Variants in ARL13B observed in about 807,000 individuals in gnomAD.
ARL13B encodes ARF like GTPase 13B.
In ARL13B, 36 loss-of-function variants were observed where a neutral mutation model predicts 56.1. That is an observed-to-expected ratio of 0.64 (90% confidence interval 0.49 to 0.85). ARL13B has a LOEUF of 0.85. ARL13B is among the 40% of genes least tolerant of loss of function. ARL13B has a pLI of 0.00. For missense variants in ARL13B, 519 were observed against 507.1 expected, an observed-to-expected ratio of 1.02 and a Z score of -0.23; for synonymous variants, 178 against 171.1, an observed-to-expected ratio of 1.04 and a Z score of -0.32.
chr3:93,998,879 C>G (rs1422643520), intron 2 of ARL13B, among the ~76,000 whole-genome samples: 1 of 151,040 alleles, frequency 6.6e-6, no homozygotes, highest in East Asian at 1.9e-4. Context: ...TCTCATGGCT[C>G]CTACTTTTCT....
At chr3:93,991,836 A>G (rs1321336440) in intron 1 of ARL13B, among the ~76,000 whole-genome samples, 1 of 152,222 alleles carries the variant, frequency 6.6e-6, no homozygotes, top group Non-Finnish European at 1.5e-5. Context: ...CTTTGCAGTA[A>G]TCCATGCTGT....
At chr3:94,047,056 T>C (rs975586873) in intron 7 of ARL13B, among the ~76,000 whole-genome samples, 2 of 152,212 alleles carry the variant, frequency 1.3e-5, no homozygotes, top group African/African-American at 4.8e-5. Context: ...AAATATTGTC[T>C]TTATTCACAA....
chr3:94,037,541 A>G (rs1449962976), intron 5 of ARL13B, among the ~76,000 whole-genome samples: 2 of 152,170 alleles, frequency 1.3e-5, no homozygotes, highest in African/African-American at 4.8e-5. Flanking sequence ...CCTTTCATCT[A>G]GGGATCTCTT....
intron 1 of ARL13B, among the ~76,000 whole-genome samples, chr3:93,991,822 C>G (rs1235268556): frequency 1.3e-5 from 2 of 152,210 alleles, no homozygotes; most frequent in African/African-American, 4.8e-5. Flanking sequence ...GCTTTGTTAT[C>G]AGGCTTTGCA....
intron 1 of ARL13B, among the ~76,000 whole-genome samples, chr3:93,989,133 A>G (rs1575930115): frequency 6.6e-6 from 1 of 152,220 alleles, no homozygotes; most frequent in Non-Finnish European, 1.5e-5. Flanking sequence ...TTTTTCAGAA[A>G]ACTTCAGCCA....
In ARL13B at chr3:94,055,308, T is replaced by A. The variant is rs1296227811; in HGVS notation, c.*2045T>A. The A allele has an allele frequency of 2.4e-6, 1 of 421,924 alleles. No homozygotes were observed. The highest frequency in any genetic ancestry group is 2.8e-5 in the Admixed American group (1 of 35,836). 26.1% of individuals were successfully genotyped at this position (421,924 alleles called of 1,614,324 possible). On this transcript the variant is annotated 3_prime_UTR_variant, in exon 10 of 10. Transcript: ENST00000394222. The stretch of plus-strand genomic sequence containing the variant: ...TCTGTTTCTCTTTTCAATTGGTAGA[T>A]TTAAATGATTTCCTTTGGGTAATAA...
In ARL13B at chr3:94,053,270, C is replaced by T. The variant is rs769876397; in HGVS notation, c.*7C>T. ...TCATGATGTGATCTCATAAACAAGACGTATGGAGGAGTTCTCTTAATATCA... is the reference window on the plus strand; with the variant it reads ...TCATGATGTGATCTCATAAACAAGATGTATGGAGGAGTTCTCTTAATATCA... On this transcript the variant is annotated 3_prime_UTR_variant, in exon 10 of 10. Transcript: ENST00000394222. The T allele has an allele frequency of 7.4e-6, 12 of 1,611,784 alleles. No individual in the cohort carries two copies. Among genetic ancestry groups the T allele is most frequent in the African/African-American group, 4.0e-5 (3 of 74,842 alleles).
rs2077099386 is a variant in ARL13B, at chr3:94,053,541, A to T, written c.*278A>T. On this transcript the variant is annotated 3_prime_UTR_variant, in exon 10 of 10. Coordinates refer to ENST00000394222, the MANE Select transcript of ARL13B (RefSeq NM_001174150.2). ...GACTCTGGTTTATACATCCCCACTC[A>T]TGAGCATACTTCTGAAGGAAAACTT... 1.8e-6 allele frequency: 1 copy of T among 568,282 alleles called. No homozygotes were observed. The highest frequency in any genetic ancestry group is 2.2e-5 in the Admixed American group (1 of 46,230). 35.2% of individuals were successfully genotyped at this position (568,282 alleles called of 1,614,324 possible). A position where few individuals can be genotyped will look rare whatever the true frequency, so the allele number is the denominator to read the frequency against.
intron 3 of ARL13B, 69 bp downstream of exon 3, chr3:94,003,977 A>G (rs919442787): frequency 2.5e-6 from 4 of 1,601,946 alleles, no homozygotes; most frequent in Non-Finnish European, 2.6e-6. Flanking sequence ...TTTACCTGTT[A>G]CAGACTAGTG....
intron 3 of ARL13B, among the ~76,000 whole-genome samples, chr3:94,033,801 G>C (rs1238456985): frequency 1.3e-5 from 2 of 152,102 alleles, no homozygotes; most frequent in African/African-American, 4.8e-5. Context: ...AAGTATGCTT[G>C]CCAAAAAGAT....
At chr3:94,028,703 T>C (rs555699383) in intron 3 of ARL13B, 2 of 152,342 alleles carry the variant, frequency 1.3e-5, no homozygotes, top group South Asian at 4.1e-4. Flanking sequence ...GAAGTCCTCG[T>C]TAAACTGCCT....
At chr3:93,993,539 G>T (rs1033728562) in intron 1 of ARL13B, among the ~76,000 whole-genome samples, 1 of 152,200 alleles carries the variant, frequency 6.6e-6, no homozygotes, top group Admixed American at 6.5e-5. Flanking sequence ...TCCTGTCTCA[G>T]CCTCCGGAGT....
At position 94,046,990 on chromosome 3, in the gene ARL13B, A is replaced by C. The variant is rs188464881; in HGVS notation, c.1025-2416A>C. On this transcript the variant is annotated intron_variant, in intron 7 of 9. Coordinates refer to ENST00000394222, the MANE Select transcript of ARL13B (RefSeq NM_001174150.2). Reference sequence around the variant, plus strand: ...CTTGACTCTCTTATCTACTAGATATACGTTAAGTTATGTAACATTCTTTAG... The same window carrying C: ...CTTGACTCTCTTATCTACTAGATATCCGTTAAGTTATGTAACATTCTTTAG... Among the ~76,000 whole-genome samples the C allele has an allele frequency of 5.3e-5, 8 of 152,228 alleles. No individual in the cohort carries two copies. In the East Asian group the frequency reaches 1.6e-3, roughly 30 times the overall value.
chr3:94,013,154 A>G (rs1443392210), intron 3 of ARL13B, among the ~76,000 whole-genome samples: 1 of 152,086 alleles, frequency 6.6e-6, no homozygotes, highest in Non-Finnish European at 1.5e-5. Context: ...CTATGCCTGG[A>G]ATTATACCCT....
intron 3 of ARL13B, among the ~76,000 whole-genome samples, chr3:94,028,097 A>T (rs2076595311): frequency 6.6e-6 from 1 of 152,134 alleles, no homozygotes; most frequent in African/African-American, 2.4e-5. Context: ...TTTAAATGAG[A>T]GCTTACTTTT....
At chr3:94,030,231 T>C (rs1047556286) in intron 3 of ARL13B, among the ~76,000 whole-genome samples, 1 of 152,048 alleles carries the variant, frequency 6.6e-6, no homozygotes, top group Admixed American at 6.5e-5. Context: ...AATATTTTTT[T>C]ATTTTTATTT....
At chr3:94,001,845 C>T (rs923116236) in intron 2 of ARL13B, among the ~76,000 whole-genome samples, 20 of 152,196 alleles carry the variant, frequency 1.3e-4, no homozygotes, top group African/African-American at 4.1e-4. Flanking sequence ...ATTTTATCCA[C>T]ACAAACTACT....
chr3:94,014,405 G>A, intron 3 of ARL13B: 1 of 1,551,250 alleles, frequency 6.4e-7, no homozygotes, highest in Non-Finnish European at 8.6e-7. Context: ...CTACAGCATG[G>A]ACAGCACCAA....
intron 3 of ARL13B, among the ~76,000 whole-genome samples, chr3:94,012,775 CA>C (rs2076247607): frequency 6.6e-6 from 1 of 152,110 alleles, no homozygotes; most frequent in Non-Finnish European, 1.5e-5. Context: ...TCCAAGCCAC[CA>C]TCATTTCTTC....
Sources: allele counts gnomAD v4.1 joint callset (sites outside exome capture counted in the v4.1 genomes callset), GRCh38; gene constraint gnomAD v4.1.1; transcripts MANE v1.5; gene names NCBI Gene and HGNC (gene_info 2026-07-23, HGNC 2026-07-21).